RANBP2: variants seen among roughly 807,000 people sequenced by gnomAD.
The protein encoded by RANBP2 is RAN binding protein 2, also known as E3 SUMO-protein ligase RanBP2.
In RANBP2, 57 loss-of-function variants were observed where a neutral mutation model predicts 303.6. That is an observed-to-expected ratio of 0.19 (90% CI 0.15 to 0.23). The LOEUF (loss-of-function observed/expected upper bound fraction) is 0.23. Ranked by LOEUF, RANBP2 falls within the 10% of genes least tolerant of loss-of-function variation. The pLI is 1.00. For missense variants in RANBP2, 3,138 were observed against 3,780.8 expected (o/e 0.83, Z 4.46); for synonymous variants, 1,167 against 1,301.5 (o/e 0.90, Z 2.23).
the RANBP2 span, among the ~76,000 whole-genome samples, chr2:109,632,859 G>GAA: frequency 6.6e-6 from 1 of 151,752 alleles, no homozygotes; most frequent in Non-Finnish European, 1.5e-5. Context: ...ACAAAAACTT[G>GAA]ACGTCCAAGA....
chr2:109,089,569 G>A, the RANBP2 span, among the ~76,000 whole-genome samples: 3 of 152,150 alleles, frequency 2.0e-5, no homozygotes, highest in Non-Finnish European at 2.9e-5. Flanking sequence ...TGGCACTACC[G>A]CACTCCAGCC....
the RANBP2 span, among the ~76,000 whole-genome samples, chr2:109,344,253 T>C: frequency 6.6e-6 from 1 of 152,074 alleles, no homozygotes; most frequent in African/African-American, 2.4e-5. Context: ...AGGTGGCCGA[T>C]GGAGTTAGGA....
chr2:109,457,914 G>A, the RANBP2 span, among the ~76,000 whole-genome samples: 2 of 152,214 alleles, frequency 1.3e-5, no homozygotes, highest in Admixed American at 1.3e-4. Context: ...GGGCATCTCT[G>A]AACATTCCAC....
At chr2:109,422,884 G>A in the RANBP2 span, among the ~76,000 whole-genome samples, 26 of 152,168 alleles carry the variant, frequency 1.7e-4, no homozygotes, top group Non-Finnish European at 2.2e-4. Flanking sequence ...GGAGCCATCC[G>A]AGATGTCCTG....
the RANBP2 span, among the ~76,000 whole-genome samples, chr2:109,718,006 A>T: frequency 6.6e-6 from 1 of 152,232 alleles, no homozygotes; most frequent in Non-Finnish European, 1.5e-5. Flanking sequence ...AAAATGAGCA[A>T]AACTTATACT....
At chr2:109,132,658 A>G in the RANBP2 span, among the ~76,000 whole-genome samples, 3 of 152,216 alleles carry the variant, frequency 2.0e-5, no homozygotes, top group Non-Finnish European at 4.4e-5. Flanking sequence ...AAGTGTGTTC[A>G]TATGTGTTAC....
the RANBP2 span, among the ~76,000 whole-genome samples, chr2:109,164,822 A>T: frequency 6.6e-6 from 1 of 152,170 alleles, no homozygotes; most frequent in African/African-American, 2.4e-5. Flanking sequence ...CCAGGAAGTG[A>T]GTTTCTAACT....
chr2:109,235,563 A>T, the RANBP2 span, among the ~76,000 whole-genome samples: 2 of 152,346 alleles, frequency 1.3e-5, no homozygotes, highest in East Asian at 3.9e-4. Context: ...GTGACTGGTA[A>T]GATGGTTCTC....
At chr2:109,120,726 A>G in the RANBP2 span, among the ~76,000 whole-genome samples, 2 of 151,412 alleles carry the variant, frequency 1.3e-5, no homozygotes, top group African/African-American at 2.4e-5. Context: ...AGGCTGTGGA[A>G]ACTGACTCAC....
At chr2:109,629,232 A>AAATAAATAAATAAATAAATAAAT in the RANBP2 span, among the ~76,000 whole-genome samples, 4 of 135,722 alleles carry the variant, frequency 2.9e-5, no homozygotes, top group African/African-American at 1.0e-4. Context: ...ATAAATAAAT[A>AAATAAATAAATAAATAAATAAAT]AATAAAATGC....
the RANBP2 span, chr2:109,564,197 G>C: frequency 1.5e-5 from 8 of 531,866 alleles, no homozygotes; most frequent in Admixed American, 3.0e-4. Context: ...TCAAAAGCAA[G>C]AAGGAGTCAA....
chr2:108,949,268 C>A, the RANBP2 span, among the ~76,000 whole-genome samples: 1 of 152,182 alleles, frequency 6.6e-6, no homozygotes, highest in Non-Finnish European at 1.5e-5. Context: ...AGGTGTGAGC[C>A]ACCAAGCCTG....
At chr2:108,759,813 G>A (rs1363675209) in intron 18 of RANBP2, among the ~76,000 whole-genome samples, 1 of 152,090 alleles carries the variant, frequency 6.6e-6, no homozygotes, top group Non-Finnish European at 1.5e-5. Context: ...CAGTTATTTG[G>A]TGCCTTGTGG....
At chr2:108,788,550 TAC>T (rs1679336254), downstream of RANBP2, among the ~76,000 whole-genome samples, 1 of 151,112 alleles carries the variant, frequency 6.6e-6, no homozygotes, top group Non-Finnish European at 1.5e-5. Flanking sequence ...ACCCCGTCTC[TAC>T]TAAAAAAAAT....
chr2:108,896,635 T>TG, the RANBP2 span: 7 of 473,726 alleles, frequency 1.5e-5, no homozygotes, highest in Admixed American at 1.4e-4. Flanking sequence ...GAGTTAATGG[T>TG]GGGCTGGTGG....
At chr2:109,361,150 C>G in the RANBP2 span, among the ~76,000 whole-genome samples, 1 of 152,130 alleles carries the variant, frequency 6.6e-6, no homozygotes, top group Non-Finnish European at 1.5e-5. Context: ...GATGTTGAGC[C>G]AGCCTTGCAT....
the RANBP2 span, among the ~76,000 whole-genome samples, chr2:109,388,858 G>A: frequency 6.6e-6 from 1 of 152,156 alleles, no homozygotes; most frequent in African/African-American, 2.4e-5. Context: ...GTATAGAGAC[G>A]GGAGGGAAGG....
Position 108,772,915 on chromosome 2 carries a change from G to C in RANBP2, c.8161G>C (p.Glu2721Gln). ...IIVWEKKPTV[E>Q]EKAKADTLKL... ...TGTTTGGGAAAAGAAACCAACAGTT[G>C]AAGAGAAGGCAAAAGCAGATACGTT... The change falls in exon 23 of 29, where the codon GAA becomes CAA. Residue 2721 changes from glutamate to glutamine, a missense_variant. By Grantham distance (29) the Glu-to-Gln change is conservative (BLOSUM62 2). Around this residue, in one of 20 missense-constraint regions of RANBP2, gnomAD observed 497 missense variants for 465.8 expected, o/e 1.07. Transcript: ENST00000283195. The C allele has an allele frequency of 1.2e-6, 2 of 1,613,882 alleles. No homozygotes were observed. Among genetic ancestry groups the C allele is most frequent in the East Asian group, 4.5e-5 (2 of 44,852 alleles).
At chr2:108,941,256 C>T in the RANBP2 span, among the ~76,000 whole-genome samples, 6 of 152,214 alleles carry the variant, frequency 3.9e-5, no homozygotes, top group Non-Finnish European at 8.8e-5. Flanking sequence ...TTTGCTAAGA[C>T]TACATTTGCA....
Sources: gnomAD v4.1 joint callset for allele counts (sites outside exome capture counted in the v4.1 genomes callset) on GRCh38, gnomAD v4.1.1 for gene constraint, gnomAD v4.1.1 regional missense constraint, MANE v1.5 for transcripts, NCBI Gene and HGNC (gene_info 2026-07-23, HGNC 2026-07-21) for gene names.